TENM2: variants seen among roughly 807,000 people sequenced by gnomAD.
TENM2 encodes teneurin-2.
A neutral mutation model predicts 245.2 loss-of-function variants in TENM2; 52 were observed. The ratio of observed to expected loss-of-function variants is 0.21; its 90% CI spans 0.17 to 0.27. The LOEUF is 0.27. TENM2 is among the 10% of genes least tolerant of loss of function. The pLI, the probability that TENM2 is intolerant of heterozygous loss-of-function variation, is 1.00. For synonymous variants in TENM2, 1,363 were observed against 1,438.9 expected (o/e 0.95, Z 1.19); for missense variants, 3,046 against 3,666.8 (o/e 0.83, Z 4.37).
intron 1 of TENM2, among the ~76,000 whole-genome samples, chr5:167,340,606 G>A (rs1758038878): frequency 1.3e-5 from 2 of 152,278 alleles, no homozygotes; most frequent in Admixed American, 1.3e-4. Context: ...CCTCCTTAAA[G>A]GCCCGCTCTC....
rs1462372738 is a variant in TENM2 at position 167,959,269 on chromosome 5, A to T, written c.947+6447A>T. On this transcript the variant is annotated intron_variant, in intron 4 of 28. Coordinates refer to ENST00000518659, the Ensembl canonical transcript of TENM2. ...GAGTGCAGTGGCGCGATCTCGGCTC[A>T]CTGCAAGCTCCGCCTCCCAGGTTCA... Among the ~76,000 whole-genome samples the T allele has an allele frequency of 4.1e-5, 6 of 145,960 alleles. No homozygotes were observed. In the Admixed American group the frequency reaches 4.3e-4, roughly 11 times the overall value.
chr5:168,156,247 TAAAAA>T (rs58825054), intron 12 of TENM2, among the ~76,000 whole-genome samples: 10 of 80,794 alleles, frequency 1.2e-4, no homozygotes, highest in South Asian at 5.2e-4. Flanking sequence ...TCCCCATAGT[TAAAAA>T]AAAAAAAAAA....
intron 12 of TENM2, among the ~76,000 whole-genome samples, chr5:168,146,088 A>G (rs1039522929): frequency 1.6e-4 from 24 of 150,268 alleles, no homozygotes; most frequent in African/African-American, 5.2e-4. Context: ...GGGCTGAGAC[A>G]ATGGGGTTTT....
chr5:167,094,907 A>T, the TENM2 span, among the ~76,000 whole-genome samples: 1 of 152,358 alleles, frequency 6.6e-6, no homozygotes, highest in African/African-American at 2.4e-5. Flanking sequence ...TATAAATTCA[A>T]TAAACATCAT....
At chr5:168,166,809 A>G (rs1264333992) in intron 13 of TENM2, among the ~76,000 whole-genome samples, 1 of 152,188 alleles carries the variant, frequency 6.6e-6, no homozygotes, top group Non-Finnish European at 1.5e-5. Flanking sequence ...TATGCTCTGT[A>G]GTCAGCAGTG....
chr5:168,260,307 T>C, exon 28 of TENM2: 1 of 1,614,040 alleles, frequency 6.2e-7, no homozygotes, highest in Non-Finnish European at 8.5e-7. Context: ...CTTGTGATGT[T>C]TGGATTTCAG....
At chr5:167,914,418 G>C (rs144603626) in intron 3 of TENM2, among the ~76,000 whole-genome samples, 60 of 152,178 alleles carry the variant, frequency 3.9e-4, no homozygotes, top group African/African-American at 1.3e-3. Flanking sequence ...TCATGCTCCT[G>C]TCTCTCTGGT....
chr5:167,340,687 T>C (rs1036589306), intron 1 of TENM2, among the ~76,000 whole-genome samples: 5 of 152,250 alleles, frequency 3.3e-5, no homozygotes, highest in Admixed American at 2.0e-4. Flanking sequence ...GTCCATGATA[T>C]ATTTTTTATG....
chr5:167,024,531 G>T, the TENM2 span, among the ~76,000 whole-genome samples: 6 of 152,100 alleles, frequency 3.9e-5, no homozygotes, highest in Non-Finnish European at 5.9e-5. Flanking sequence ...GGTCAGGGCT[G>T]GGAAGGCTAT....
At chr5:168,172,761 C>G (rs976705111) in intron 13 of TENM2, among the ~76,000 whole-genome samples, 1 of 152,186 alleles carries the variant, frequency 6.6e-6, no homozygotes, top group Non-Finnish European at 1.5e-5. Context: ...CACTTAGGCA[C>G]TGAAATGCCA....
intron 3 of TENM2, among the ~76,000 whole-genome samples, chr5:167,896,769 C>T (rs1402409777): frequency 6.6e-6 from 1 of 152,094 alleles, no homozygotes; most frequent in African/African-American, 2.4e-5. Flanking sequence ...CTCGCAATAC[C>T]TTTATGGATA....
Position 168,240,119 on chromosome 5 carries a change from C to T in TENM2, c.5521-4301C>T, listed in dbSNP as rs149236842. ...TCTGTAGTCCCAGCTACTCGGGAGG[C>T]AGAGACATGAGAATCACTTGAACCC... On this transcript the variant is annotated intron_variant, in intron 25 of 28. Coordinates refer to ENST00000518659, the Ensembl canonical transcript of TENM2. Among the ~76,000 whole-genome samples the T allele has an allele frequency of 2.2e-3, 341 of 152,300 alleles. 3 individuals carry two copies. The highest frequency in any genetic ancestry group is 7.5e-3 in the African/African-American group (311 of 41,578).
chr5:168,017,414 C>T (rs1785750947), intron 5 of TENM2, among the ~76,000 whole-genome samples: 3 of 152,158 alleles, frequency 2.0e-5, no homozygotes, highest in Admixed American at 2.0e-4. Context: ...TTGGCCAACT[C>T]GTTTGCATGG....
chr5:167,554,387 A>G (rs1187932813), intron 2 of TENM2, among the ~76,000 whole-genome samples: 1 of 152,136 alleles, frequency 6.6e-6, no homozygotes, highest in Non-Finnish European at 1.5e-5. Context: ...ATTTTCTGAC[A>G]CTTGTTCTGA....
chr5:168,126,310 G>A (rs369339076), intron 11 of TENM2, among the ~76,000 whole-genome samples: 11 of 152,162 alleles, frequency 7.2e-5, no homozygotes, highest in Admixed American at 3.3e-4. Flanking sequence ...GTCAGGATCC[G>A]TACATGGATC....
At chr5:167,183,740 C>T in the TENM2 span, among the ~76,000 whole-genome samples, 2 of 152,140 alleles carry the variant, frequency 1.3e-5, no homozygotes, top group East Asian at 3.9e-4. Context: ...TCCAAGCAAG[C>T]CAACTTGCAA....
At chr5:167,529,504 C>A (rs1771351961) in intron 2 of TENM2, among the ~76,000 whole-genome samples, 2 of 152,168 alleles carry the variant, frequency 1.3e-5, no homozygotes, top group Non-Finnish European at 2.9e-5. Flanking sequence ...ACTTTCTGCA[C>A]TTAGGAGAAC....
chr5:167,189,240 A>T, the TENM2 span, among the ~76,000 whole-genome samples: 12 of 152,168 alleles, frequency 7.9e-5, no homozygotes, highest in Non-Finnish European at 1.6e-4. Flanking sequence ...AGAATCACTC[A>T]TAGTGTGAAA....
At chr5:168,083,705 T>G (rs1229908302) in intron 7 of TENM2, among the ~76,000 whole-genome samples, 1 of 152,132 alleles carries the variant, frequency 6.6e-6, no homozygotes, top group Non-Finnish European at 1.5e-5. Flanking sequence ...TTTGCTGAGG[T>G]TGGAAACAAG....
Sources: allele counts gnomAD v4.1 joint callset (sites outside exome capture counted in the v4.1 genomes callset), GRCh38; gene constraint gnomAD v4.1.1; transcripts MANE v1.5; gene names NCBI Gene and HGNC (gene_info 2026-07-23, HGNC 2026-07-21).